Variants in NAV2 observed in about 807,000 individuals in gnomAD.
NAV2 encodes helicase, APC down-regulated 1.
NAV2 carries 54 observed loss-of-function variants against 223.2 expected under a neutral mutation model. The observed-to-expected ratio is 0.24, with a 90% CI of 0.19 to 0.30. The LOEUF is 0.30. Among genes scored for constraint, NAV2 ranks in the 10% least tolerant of loss-of-function variants. The pLI, the probability that NAV2 is intolerant of heterozygous loss-of-function variation, is 1.00. For synonymous variants in NAV2, 1,279 were observed against 1,239.3 expected, an observed-to-expected ratio of 1.03 and a Z score of -0.67; for missense variants, 2,806 against 3,147.5, an observed-to-expected ratio of 0.89 and a Z score of 2.60.
chr11:19,421,993 C>A (rs554177825), intron 1 of NAV2, among the ~76,000 whole-genome samples: 1 of 151,982 alleles, frequency 6.6e-6, no homozygotes, highest in Non-Finnish European at 1.5e-5. Context: ...TTACCTGTAA[C>A]GAAAAGCTTT....
At chr11:19,634,633 T>G (rs995592441) in intron 1 of NAV2, among the ~76,000 whole-genome samples, 11 of 152,348 alleles carry the variant, frequency 7.2e-5, no homozygotes, top group Middle Eastern at 3.4e-3. Context: ...ACACATATTC[T>G]GGACCCCAGG....
intron 11 of NAV2, among the ~76,000 whole-genome samples, chr11:20,005,071 G>A (rs1458452161): frequency 6.6e-6 from 1 of 152,030 alleles, no homozygotes; most frequent in Non-Finnish European, 1.5e-5. Flanking sequence ...GAACGGAAGT[G>A]TCTTCTGATT....
intron 1 of NAV2, among the ~76,000 whole-genome samples, chr11:19,807,730 T>G (rs1330809920): frequency 1.3e-5 from 2 of 152,230 alleles, no homozygotes; most frequent in African/African-American, 4.8e-5. Flanking sequence ...TTTGATTGGG[T>G]GAGCAAAGGA....
chr11:19,730,696 T>G (rs2051695564), intron 1 of NAV2, among the ~76,000 whole-genome samples: 1 of 152,126 alleles, frequency 6.6e-6, no homozygotes, highest in South Asian at 2.1e-4. Context: ...GCTCTTTTCC[T>G]CCTCCCGGCC....
chr11:19,871,054 G>A lies in NAV2; in HGVS notation c.511+2057G>A, dbSNP rs183578927. On this transcript the variant is annotated intron_variant, in intron 4 of 37. Coordinates refer to ENST00000349880, the MANE Select transcript of NAV2 (RefSeq NM_145117.5). Reference sequence around the variant, plus strand: ...ACCCTTGGAGGCTCTGAGCATGGAAGAGCATACCATAGCCAGTGTGCTGTG... The same window carrying A: ...ACCCTTGGAGGCTCTGAGCATGGAAAAGCATACCATAGCCAGTGTGCTGTG... Among the ~76,000 whole-genome samples the A allele has an allele frequency of 5.3e-4, 81 of 152,266 alleles. 1 individual carries two copies. In the East Asian group the frequency reaches 0.015, roughly 28 times the overall value.
chr11:19,791,147 T>C lies in NAV2; in HGVS notation c.268-41337T>C, dbSNP rs776007960. ...CAATCTGGCTTGAAAACTATACCCT[T>C]AACCATTCTCGGCCAGGAACTGTGC... On this transcript the variant is annotated intron_variant, in intron 1 of 37. Transcript: ENST00000349880. 7.5e-4 allele frequency among the ~76,000 whole-genome samples: 114 copies of C among 152,116 alleles called. 2 individuals carry two copies. The highest frequency in any genetic ancestry group is 1.8e-4 in the Non-Finnish European group (12 of 68,010).
At chr11:19,949,183 GC>G in intron 10 of NAV2, 103 bp downstream of exon 10, 1 of 1,271,242 alleles carries the variant, frequency 7.9e-7, no homozygotes, top group Non-Finnish European at 1.1e-6. Context: ...AGGTCAAACT[GC>G]CCACCTGAGT....
At chr11:19,804,018 A>C (rs2058413985) in intron 1 of NAV2, among the ~76,000 whole-genome samples, 1 of 152,160 alleles carries the variant, frequency 6.6e-6, no homozygotes, top group Non-Finnish European at 1.5e-5. Context: ...TCTGTGGCCA[A>C]TTTGCTTAAT....
At chr11:20,079,542 C>T (rs140867384) in intron 24 of NAV2, among the ~76,000 whole-genome samples, 2 of 152,144 alleles carry the variant, frequency 1.3e-5, no homozygotes, top group Non-Finnish European at 2.9e-5. Context: ...TTGGGCCTCC[C>T]GAAAAAGTGA....
intron 1 of NAV2, among the ~76,000 whole-genome samples, chr11:19,645,102 C>T (rs529148281): frequency 6.6e-6 from 1 of 152,324 alleles, no homozygotes; most frequent in East Asian, 1.9e-4. Context: ...ACGGGTTTCA[C>T]CAGGCCGAAA....
chr11:19,718,584 GTGA>G (rs893289551), intron 1 of NAV2, among the ~76,000 whole-genome samples: 1 of 152,198 alleles, frequency 6.6e-6, no homozygotes, highest in Non-Finnish European at 1.5e-5. Flanking sequence ...ATCATCAAAG[GTGA>G]TTATGGATTT....
intron 22 of NAV2, among the ~76,000 whole-genome samples, chr11:20,072,965 A>T (rs2059495019): frequency 6.6e-6 from 1 of 152,170 alleles, no homozygotes; most frequent in Non-Finnish European, 1.5e-5. Context: ...AGAACTTCCA[A>T]TACTATGTTG....
chr11:19,738,444 T>C (rs1012058775), intron 1 of NAV2, among the ~76,000 whole-genome samples: 1 of 152,210 alleles, frequency 6.6e-6, no homozygotes, highest in Non-Finnish European at 1.5e-5. Context: ...TGAAAAGATA[T>C]CTCCATCTGC....
intron 1 of NAV2, among the ~76,000 whole-genome samples, chr11:19,671,183 C>G (rs1361914943): frequency 6.6e-6 from 1 of 152,200 alleles, no homozygotes; most frequent in East Asian, 1.9e-4. Context: ...TGAGATTTCC[C>G]TAGTTTTGTA....
intron 1 of NAV2, among the ~76,000 whole-genome samples, chr11:19,626,840 T>C (rs1213979599): frequency 2.0e-5 from 3 of 152,264 alleles, no homozygotes; most frequent in Non-Finnish European, 4.4e-5. Flanking sequence ...CCAACTTTTA[T>C]GAGCTGTGTG....
rs374655204 is a variant in NAV2 at position 19,934,166 on chromosome 11, C to G, written c.1922C>G (p.Ser641Cys). The G allele has an allele frequency of 1.2e-6, 2 of 1,613,984 alleles. No homozygotes were observed. Among genetic ancestry groups the G allele is most frequent in the African/African-American group, 2.7e-5 (2 of 74,886 alleles). Residue 641 changes from serine (S) to cysteine (C), a missense_variant, in exon 7 of 38, where the codon TCT becomes TGT. Ser to Cys is a moderately radical substitution (Grantham distance 112). Coordinates refer to ENST00000349880, the MANE Select transcript of NAV2 (RefSeq NM_145117.5). ...HSISSQTVSG[S>C]VGTTQTTGSN... ...ATCAGCAGCCAGACTGTCAGTGGGT[C>G]TGTCGGGACCACCCAGACCACAGGA... is the stretch of plus-strand genomic sequence containing the variant.
At chr11:19,482,700 G>A (rs770121155) in intron 1 of NAV2, among the ~76,000 whole-genome samples, 18 of 152,166 alleles carry the variant, frequency 1.2e-4, no homozygotes, top group East Asian at 1.9e-4. Context: ...GGAGCTGGTC[G>A]GATGGGCAGT....
At chr11:19,834,988 G>T (rs1802263488) in intron 2 of NAV2, among the ~76,000 whole-genome samples, 2 of 152,222 alleles carry the variant, frequency 1.3e-5, no homozygotes, top group African/African-American at 4.8e-5. Context: ...AGGATGATGA[G>T]GTCTCAATAT....
At chr11:19,682,760 A>T (rs2048913591) in intron 1 of NAV2, among the ~76,000 whole-genome samples, 1 of 152,184 alleles carries the variant, frequency 6.6e-6, no homozygotes, top group Non-Finnish European at 1.5e-5. Context: ...GCATGAACTG[A>T]GTGAGAACAC....
Sources: gnomAD v4.1 joint callset for allele counts (sites outside exome capture counted in the v4.1 genomes callset) on GRCh38, gnomAD v4.1.1 for gene constraint, MANE v1.5 for transcripts, NCBI Gene and HGNC (gene_info 2026-07-23, HGNC 2026-07-21) for gene names.